FAM219A: variants seen among roughly 807,000 people sequenced by gnomAD.
FAM219A encodes the protein family with sequence similarity 219 member A.
Under a neutral mutation model 23.4 loss-of-function variants are expected in FAM219A, and 7 were observed. The observed-to-expected ratio is 0.30, with a 90% CI of 0.17 to 0.56. FAM219A has a LOEUF of 0.56. FAM219A is among the 20% of genes least tolerant of loss of function. The probability of loss-of-function intolerance (pLI) is 0.92; values close to 1 mark genes in which losing one functional copy is unlikely to be tolerated. For synonymous variants in FAM219A, 93 were observed against 99.0 expected (o/e 0.94, Z 0.36); for missense variants, 166 against 246.9 (o/e 0.67, Z 2.20).
chr9:34,440,094 A>G (rs1823109914), intron 1 of FAM219A, among the ~76,000 whole-genome samples: 1 of 152,168 alleles, frequency 6.6e-6, no homozygotes, highest in South Asian at 2.1e-4. Flanking sequence ...GAGTGTGGGC[A>G]GGGTATCCAA....
chr9:34,406,820 T>G (rs1413526573), intron 1 of FAM219A, among the ~76,000 whole-genome samples: 2 of 127,082 alleles, frequency 1.6e-5, no homozygotes, highest in Non-Finnish European at 3.5e-5. Flanking sequence ...TTTTTTTTTT[T>G]GAGACGGAGT....
In FAM219A at chr9:34,398,815, TG is replaced by T. The variant is rs1821317818; in HGVS notation, c.*2148del. 2 of 179,850 alleles carry T rather than the reference TG, an allele frequency of 1.1e-5. No individual in the cohort carries two copies. The highest frequency in any genetic ancestry group is 4.8e-5 in the African/African-American group (2 of 41,828). 11.1% of individuals were successfully genotyped at this position (179,850 alleles called of 1,614,324 possible). ...CACAGGGGTTGGGGGGATGTTGATC[TG>T]GGTGGGAGAGGTGGGTTCAGATGGG... On this transcript the variant is annotated 3_prime_UTR_variant, in exon 6 of 6. Coordinates refer to ENST00000651358, the MANE Select transcript of FAM219A (RefSeq NM_001184940.2).
chr9:34,438,373 C>T (rs954831126), intron 1 of FAM219A, among the ~76,000 whole-genome samples: 25 of 152,346 alleles, frequency 1.6e-4, no homozygotes, highest in Non-Finnish European at 3.1e-4. Flanking sequence ...CCTGCAGCAC[C>T]GGTGCGGGAT....
At chr9:34,454,308 C>T (rs757542972) in intron 1 of FAM219A, among the ~76,000 whole-genome samples, 3 of 152,308 alleles carry the variant, frequency 2.0e-5, no homozygotes, top group African/African-American at 2.4e-5. Context: ...TGGTGGCATG[C>T]GCCTGTAGTC....
At chr9:34,421,527 A>T (rs929514060) in intron 1 of FAM219A, among the ~76,000 whole-genome samples, 1 of 151,988 alleles carries the variant, frequency 6.6e-6, no homozygotes, top group Non-Finnish European at 1.5e-5. Context: ...TTACCGGCTA[A>T]CTCATACTCA....
rs559123071 is a variant in FAM219A at position 34,457,183 on chromosome 9, G to T, written c.60+1021C>A. 2.0e-5 allele frequency among the ~76,000 whole-genome samples: 3 copies of T among 152,314 alleles called. No homozygotes were observed. The highest frequency in any genetic ancestry group is 7.2e-5 in the African/African-American group (3 of 41,574). ...CCAATTCCAGCTCAGGCTCCAGGGG[G>T]ATAAAGCGAACACAGCCTAGACATT... is the stretch of plus-strand genomic sequence containing the variant. On this transcript the variant is annotated intron_variant, in intron 1 of 5. Coordinates refer to ENST00000651358, the MANE Select transcript of FAM219A (RefSeq NM_001184940.2). This position sits in a 1 kb window ranked among gnomAD's most constrained non-coding sequence, Gnocchi z 5.1.
At chr9:34,426,495 G>T (rs989682921) in intron 1 of FAM219A, among the ~76,000 whole-genome samples, 4 of 152,204 alleles carry the variant, frequency 2.6e-5, no homozygotes, top group Admixed American at 1.3e-4. Context: ...GCTGCAAATT[G>T]TCTGGATCGA....
At chr9:34,420,963 G>C (rs1431790583) in intron 1 of FAM219A, among the ~76,000 whole-genome samples, 1 of 150,672 alleles carries the variant, frequency 6.6e-6, no homozygotes, top group Non-Finnish European at 1.5e-5. Context: ...CTGGGTGACA[G>C]AGTGAAACTC....
chr9:34,402,336 C>G, intron 4 of FAM219A, 51 bp downstream of exon 4: 2 of 1,614,190 alleles, frequency 1.2e-6, no homozygotes, highest in South Asian at 1.1e-5. Context: ...CCCACTTGTG[C>G]TATACAGGTT....
At chr9:34,444,752 G>C (rs1003381194) in intron 1 of FAM219A, among the ~76,000 whole-genome samples, 1 of 152,174 alleles carries the variant, frequency 6.6e-6, no homozygotes, top group Non-Finnish European at 1.5e-5. Context: ...TTCTCATCCT[G>C]TGGTCTGAGT....
At chr9:34,456,013 C>T (rs1034819315) in intron 1 of FAM219A, among the ~76,000 whole-genome samples, 2 of 152,008 alleles carry the variant, frequency 1.3e-5, no homozygotes, top group East Asian at 1.9e-4. Flanking sequence ...GCCAACATGG[C>T]GAAACCCTGT....
intron 1 of FAM219A, among the ~76,000 whole-genome samples, chr9:34,434,612 A>G (rs1361223101): frequency 1.3e-5 from 2 of 152,184 alleles, no homozygotes; most frequent in Admixed American, 6.5e-5. Context: ...ACAACAAGAG[A>G]CAACACTAAT....
At position 34,458,126 on chromosome 9, in the gene FAM219A, C is replaced by G; in HGVS notation, c.60+78G>C. On this transcript the variant is annotated intron_variant, in intron 1 of 5. Transcript: ENST00000651358. The surrounding 1 kb of genome is among the most constrained non-coding windows in gnomAD (Gnocchi z 6.6). Reference sequence around the variant, plus strand: ...ATCCGATGGCGCCCCTCCGCACGATCCCCCCGGCCTGATTCCCTCCCTCCC... The same window carrying G: ...ATCCGATGGCGCCCCTCCGCACGATGCCCCCGGCCTGATTCCCTCCCTCCC... 2 of 1,348,778 alleles carry G rather than the reference C, an allele frequency of 1.5e-6. No homozygotes were observed. Among genetic ancestry groups the G allele is most frequent in the Non-Finnish European group, 2.0e-6 (2 of 1,009,804 alleles). 83.6% of individuals were successfully genotyped at this position (1,348,778 alleles called of 1,614,324 possible). A position where few individuals can be genotyped will look rare whatever the true frequency, so the allele number is the denominator to read the frequency against.
intron 1 of FAM219A, among the ~76,000 whole-genome samples, chr9:34,431,914 G>A (rs1033062298): frequency 6.6e-6 from 1 of 152,224 alleles, no homozygotes; most frequent in Non-Finnish European, 1.5e-5. Context: ...GAATGTGTCA[G>A]TAAGAGGCAG....
intron 1 of FAM219A, chr9:34,406,348 T>C (rs1235359002): frequency 1.0e-6 from 1 of 985,436 alleles, no homozygotes; most frequent in Non-Finnish European, 1.2e-6. Flanking sequence ...CTTCCTAGGT[T>C]CCTGTGAGTT....
At chr9:34,456,882 C>CTA (rs1303519616) in intron 1 of FAM219A, among the ~76,000 whole-genome samples, 1 of 152,198 alleles carries the variant, frequency 6.6e-6, no homozygotes, top group Admixed American at 6.5e-5. Flanking sequence ...ATGATTCTCT[C>CTA]TACCATCCCT....
rs1822091503 is a variant in FAM219A, at chr9:34,417,812, T to C, written c.61-11848A>G. On this transcript the variant is annotated intron_variant, in intron 1 of 5. Transcript: ENST00000651358. The surrounding 1 kb of genome is among the most constrained non-coding windows in gnomAD (Gnocchi z 4.1). Reference sequence around the variant, plus strand: ...CATAGAACAGAATTTCCTCTGGGCATCACCTGCCAGACAAAATACTCCTGA... The same window carrying C: ...CATAGAACAGAATTTCCTCTGGGCACCACCTGCCAGACAAAATACTCCTGA... Among the ~76,000 whole-genome samples the C allele has an allele frequency of 6.6e-6, 1 of 152,176 alleles. No homozygotes were observed. Among genetic ancestry groups the C allele is most frequent in the East Asian group, 1.9e-4 (1 of 5,194 alleles).
chr9:34,422,068 G>A (rs1296501590), intron 1 of FAM219A, among the ~76,000 whole-genome samples: 4 of 152,172 alleles, frequency 2.6e-5, no homozygotes, highest in Non-Finnish European at 5.9e-5. Context: ...GGGAACAATA[G>A]TCTGGGAAGA....
At chr9:34,418,964 ACTC>A (rs973926329) in intron 1 of FAM219A, among the ~76,000 whole-genome samples, 1 of 151,792 alleles carries the variant, frequency 6.6e-6, no homozygotes, top group African/African-American at 2.4e-5. Context: ...TACCCCAACT[ACTC>A]AGGAGGCTGA....
Sources: allele counts gnomAD v4.1 joint callset (sites outside exome capture counted in the v4.1 genomes callset), GRCh38; gene constraint gnomAD v4.1.1; non-coding constraint Gnocchi (gnomAD v3.1); transcripts MANE v1.5; gene names NCBI Gene and HGNC (gene_info 2026-07-23, HGNC 2026-07-21).